The following PLEKHD1 variants were observed in gnomAD, a reference collection of about 807,000 sequenced individuals.
The protein encoded by PLEKHD1 is pleckstrin homology and coiled-coil domain containing D1.
A neutral mutation model predicts 69.2 loss-of-function variants in PLEKHD1; 51 were observed. The observed-to-expected ratio is 0.74, with a 90% CI of 0.59 to 0.93. The LOEUF (loss-of-function observed/expected upper bound fraction) is 0.93. Ranked by LOEUF, PLEKHD1 falls within the 40% of genes least tolerant of loss-of-function variation. The pLI is 0.00. For missense variants in PLEKHD1, 584 were observed against 641.0 expected (o/e 0.91, Z 0.96); for synonymous variants, 236 against 244.7 (o/e 0.96, Z 0.33).
chr14:69,497,805 C>A (rs73281420), intron 1 of PLEKHD1, among the ~76,000 whole-genome samples: 3,104 of 152,192 alleles, frequency 0.02, 105 homozygotes, highest in African/African-American at 0.07. Flanking sequence ...AGGCCTAGGA[C>A]GAGCATTGGC....
intron 5 of PLEKHD1, chr14:69,502,189 T>C (rs1376586416): frequency 1.6e-5 from 3 of 190,954 alleles, no homozygotes; most frequent in Non-Finnish European, 3.3e-5. Context: ...AATGAGACAA[T>C]GTCTGTAAGT....
At chr14:69,525,453 A>T (rs1883621155) in intron 8 of PLEKHD1, among the ~76,000 whole-genome samples, 1 of 152,148 alleles carries the variant, frequency 6.6e-6, no homozygotes, top group African/African-American at 2.4e-5. Context: ...CCAGTCTGAT[A>T]AATGGAGAGG....
At chr14:69,522,215 G>C (rs909178347) in intron 6 of PLEKHD1, 68 bp from the exon 7 acceptor site, 1 of 1,423,372 alleles carries the variant, frequency 7.0e-7, no homozygotes, top group Non-Finnish European at 9.7e-7. Context: ...TTGGGATAGA[G>C]TGGGGGATCC....
intron 6 of PLEKHD1, among the ~76,000 whole-genome samples, chr14:69,507,808 A>G (rs1322263064): frequency 6.6e-6 from 1 of 152,160 alleles, no homozygotes; most frequent in African/African-American, 2.4e-5. Flanking sequence ...TCCTGGGTTT[A>G]AGAGATCCTC....
At chr14:69,476,198 C>A in the PLEKHD1 span, among the ~76,000 whole-genome samples, 25,179 of 144,314 alleles carry the variant, frequency 0.17, 2,293 homozygotes, top group South Asian at 0.24. Context: ...GTGGAAGTTG[C>A]AGTGAGCCGA....
chr14:69,524,239 C>G lies in PLEKHD1; in HGVS notation c.661C>G (p.Leu221Val). 2 of 1,551,516 alleles carry G rather than the reference C, an allele frequency of 1.3e-6. No individual in the cohort carries two copies. Among genetic ancestry groups the G allele is most frequent in the Non-Finnish European group, 1.7e-6 (2 of 1,146,870 alleles). ...EQEQIKRELE[L>V]TARCLKGVEQ... ...CCTCTGTCTCCACAGGGAGCTGGAA[C>G]TGACTGCAAGATGCCTTAAGGGTGT... The change falls in exon 8 of 13, where the codon CTG becomes GTG. Residue 221 changes from leucine to valine, a missense_variant. By Grantham distance (32) the Leu-to-Val change is conservative. Coordinates refer to ENST00000322564, the MANE Select transcript of PLEKHD1 (RefSeq NM_001161498.2).
intron 6 of PLEKHD1, 74 bp downstream of exon 6, chr14:69,502,953 G>T: frequency 6.6e-7 from 1 of 1,518,084 alleles, no homozygotes; most frequent in South Asian, 1.2e-5. Context: ...GAATGATGCA[G>T]GGGAGCTGGG....
intron 1 of PLEKHD1, among the ~76,000 whole-genome samples, chr14:69,497,307 C>T (rs1264043350): frequency 6.6e-6 from 1 of 152,246 alleles, no homozygotes; most frequent in East Asian, 1.9e-4. Flanking sequence ...GATGCCAAAG[C>T]CTATATGCTC....
upstream of PLEKHD1, among the ~76,000 whole-genome samples, chr14:69,481,392 G>A (rs546815190): frequency 3.3e-5 from 5 of 152,194 alleles, no homozygotes; most frequent in Non-Finnish European, 5.9e-5. Flanking sequence ...TGTAGCACTC[G>A]TAGAATTGCT....
intron 1 of PLEKHD1, among the ~76,000 whole-genome samples, chr14:69,494,627 A>C (rs1882847458): frequency 6.6e-6 from 1 of 152,260 alleles, no homozygotes. Flanking sequence ...GAACAGCTGC[A>C]GAAAGGGCAG....
intron 8 of PLEKHD1, among the ~76,000 whole-genome samples, chr14:69,524,714 A>G (rs1883602308): frequency 6.6e-6 from 1 of 152,148 alleles, no homozygotes; most frequent in East Asian, 1.9e-4. Flanking sequence ...CGTAAAGGGA[A>G]ATCAACTGCC....
intron 1 of PLEKHD1, among the ~76,000 whole-genome samples, chr14:69,490,571 AG>A (rs1217323779): frequency 2.0e-5 from 3 of 152,196 alleles, no homozygotes; most frequent in African/African-American, 7.2e-5. Context: ...TACTTGTTCC[AG>A]GGGGACTAAG....
At chr14:69,507,215 T>C (rs2089395731) in intron 6 of PLEKHD1, among the ~76,000 whole-genome samples, 2 of 152,236 alleles carry the variant, frequency 1.3e-5, no homozygotes, top group South Asian at 4.2e-4. Context: ...ACTGTATCCA[T>C]AGTTTTGCCT....
upstream of PLEKHD1, among the ~76,000 whole-genome samples, chr14:69,483,204 C>T (rs1397698181): frequency 6.6e-6 from 1 of 152,034 alleles, no homozygotes; most frequent in Admixed American, 6.6e-5. Context: ...CAGTGAGCAA[C>T]AAGGGGATGC....
chr14:69,485,144 C>A, intron 1 of PLEKHD1, 30 bp downstream of exon 1: 1 of 1,539,342 alleles, frequency 6.5e-7, no homozygotes, highest in Non-Finnish European at 8.8e-7. Context: ...CCAAGGAGAC[C>A]GCCGGGGAGA....
rs977638360 is a variant in PLEKHD1 at position 69,500,987 on chromosome 14, G to A, written c.410+40G>A. Reference sequence around the variant, plus strand: ...CCAGGAGGGCAGCCTGCAGATCCAGGATGGGGTGGGCGGGGCTGCCCCTGA... The same window carrying A: ...CCAGGAGGGCAGCCTGCAGATCCAGAATGGGGTGGGCGGGGCTGCCCCTGA... On this transcript the variant is annotated intron_variant, in intron 4 of 12. Transcript: ENST00000322564. 3.2e-6 allele frequency: 5 copies of A among 1,544,424 alleles called. No individual in the cohort carries two copies. In the African/African-American group the frequency reaches 5.5e-5, roughly 17 times the overall value.
chr14:69,485,246 A>C, intron 1 of PLEKHD1, 132 bp downstream of exon 1: 2 of 1,083,916 alleles, frequency 1.8e-6, no homozygotes, highest in South Asian at 1.6e-5. Context: ...TTTTCACTCT[A>C]CACTGGCTCC....
At chr14:69,469,178 A>G in the PLEKHD1 span, among the ~76,000 whole-genome samples, 12 of 151,856 alleles carry the variant, frequency 7.9e-5, no homozygotes, top group African/African-American at 2.9e-4. Flanking sequence ...ACACATGTAC[A>G]CAGAGAGAGA....
intron 1 of PLEKHD1, among the ~76,000 whole-genome samples, chr14:69,498,588 T>TTTCTCTTCTC (rs71102658): frequency 0.11 from 11,435 of 108,412 alleles, 996 homozygotes; most frequent in East Asian, 0.15. Flanking sequence ...TTCTTTTTGT[T>TTTCTCTTCTC]TTCTCTTCTC....
Sources: allele counts gnomAD v4.1 joint callset (sites outside exome capture counted in the v4.1 genomes callset), GRCh38; gene constraint gnomAD v4.1.1; transcripts MANE v1.5; gene names NCBI Gene and HGNC (gene_info 2026-07-23, HGNC 2026-07-21).